STXBP5L: variants seen among roughly 807,000 people sequenced by gnomAD.
STXBP5L encodes syntaxin binding protein 5L, also known as syntaxin-binding protein 5-like.
STXBP5L carries 65 observed loss-of-function variants against 144.5 expected under a neutral mutation model. That is an observed-to-expected ratio of 0.45 (90% CI 0.37 to 0.55). The LOEUF is 0.55. STXBP5L is among the 20% of genes least tolerant of loss of function. The probability of loss-of-function intolerance (pLI) is 0.00; values close to 1 mark genes in which losing one functional copy is unlikely to be tolerated. For synonymous variants in STXBP5L, 505 were observed against 469.6 expected (o/e 1.08, Z -0.97); for missense variants, 1,298 against 1,405.5 (o/e 0.92, Z 1.22).
intron 9 of STXBP5L, among the ~76,000 whole-genome samples, chr3:121,202,131 A>T (rs981382441): frequency 6.6e-6 from 1 of 152,116 alleles, no homozygotes; most frequent in African/African-American, 2.4e-5. Flanking sequence ...ATAATACATT[A>T]TTTAAATTAA....
In STXBP5L at chr3:121,413,214, G is replaced by A. The variant is rs778295479; in HGVS notation, c.3005G>A (p.Arg1002Lys). 3.1e-6 allele frequency: 5 copies of A among 1,609,926 alleles called. No homozygotes were observed. Among genetic ancestry groups the A allele is most frequent in the Non-Finnish European group, 4.2e-6 (5 of 1,178,830 alleles). The change falls in exon 24 of 27, where the codon AGG becomes AAG. Residue 1002 changes from arginine to lysine, a missense_variant. By Grantham distance (26) the Arg-to-Lys change is conservative. Transcript: ENST00000471454. ...DVNYLPLTDMRIARTFCFTNE... is the reference protein window; with the variant it reads ...DVNYLPLTDMKIARTFCFTNE... ...AATTATTTGCCACTGACAGACATGA[G>A]GATAGCACGAACATTTTGTTTTACC...
intron 12 of STXBP5L, among the ~76,000 whole-genome samples, chr3:121,235,685 C>T (rs2049454182): frequency 6.6e-6 from 1 of 152,032 alleles, no homozygotes. Flanking sequence ...ACCTCTGGTA[C>T]CTCTAGTTTA....
chr3:121,266,019 G>T (rs924753489), intron 18 of STXBP5L, among the ~76,000 whole-genome samples: 2 of 152,010 alleles, frequency 1.3e-5, no homozygotes, highest in Non-Finnish European at 2.9e-5. Flanking sequence ...CCAGGAGCAG[G>T]TGGATTCACA....
chr3:121,233,795 C>A, intron 12 of STXBP5L, 107 bp downstream of exon 12: 1 of 854,944 alleles, frequency 1.2e-6, no homozygotes, highest in South Asian at 2.3e-5. Flanking sequence ...TATTGGTTTG[C>A]TAGAATTACA....
chr3:121,113,826 C>A, intron 5 of STXBP5L, among the ~76,000 whole-genome samples: 1 of 151,752 alleles, frequency 6.6e-6, no homozygotes, highest in East Asian at 1.9e-4. Context: ...GCACCCACCA[C>A]CACGCCCGGC....
Position 121,070,512 on chromosome 3 carries a change from A to G in STXBP5L, c.470+24977A>G, listed in dbSNP as rs554070795. Among the ~76,000 whole-genome samples the G allele has an allele frequency of 5.9e-5, 9 of 152,260 alleles. No homozygotes were observed. In the South Asian group the frequency reaches 8.3e-4, roughly 14 times the overall value. On this transcript the variant is annotated intron_variant, in intron 5 of 26. Transcript: ENST00000471454. ...TTTCTATTACTACTACTATTAGGTT[A>G]TAGTTATTTTCATTATTTCCTTCTT...
intron 5 of STXBP5L, among the ~76,000 whole-genome samples, chr3:121,064,791 C>G (rs2041462930): frequency 6.6e-6 from 1 of 152,256 alleles, no homozygotes; most frequent in Admixed American, 6.5e-5. Flanking sequence ...ATGTTTATTA[C>G]ATGGACATAT....
intron 18 of STXBP5L, among the ~76,000 whole-genome samples, chr3:121,259,835 C>T (rs925293871): frequency 6.6e-6 from 1 of 150,896 alleles, no homozygotes; most frequent in Non-Finnish European, 1.5e-5. Flanking sequence ...GAGAAATGAA[C>T]ATTATAATTT....
At chr3:121,120,450 A>G (rs2044407099) in intron 6 of STXBP5L, among the ~76,000 whole-genome samples, 1 of 151,454 alleles carries the variant, frequency 6.6e-6, no homozygotes, top group South Asian at 2.1e-4. Context: ...ATTTCCAATT[A>G]TCACATCAAT....
chr3:121,189,742 T>A (rs952361941), intron 9 of STXBP5L, among the ~76,000 whole-genome samples: 2 of 152,206 alleles, frequency 1.3e-5, no homozygotes, highest in Non-Finnish European at 2.9e-5. Flanking sequence ...AAATAGTTTT[T>A]TTTGTTTGTT....
rs763308114 is a variant in STXBP5L, at chr3:121,205,932, A to G, written c.887A>G (p.Gln296Arg). ...FQTTIPHGKS[Q>R]REGRKSESCK... Reference sequence around the variant, plus strand: ...TATTTTTTTTCTTTAGGAAAAAGTCAAAGAGAAGGAAGAAAATCTGAATCT... The same window carrying G: ...TATTTTTTTTCTTTAGGAAAAAGTCGAAGAGAAGGAAGAAAATCTGAATCT... The change falls in exon 10 of 27, where the codon CAA (glutamine) becomes CGA (arginine). Residue 296 changes from glutamine to arginine, a missense_variant. Coordinates refer to ENST00000471454, the MANE Select transcript of STXBP5L (RefSeq NM_001308330.2). 6.7e-7 allele frequency: 1 copy of G among 1,503,098 alleles called. No homozygotes were observed. Among genetic ancestry groups the G allele is most frequent in the African/African-American group, 1.4e-5 (1 of 69,728 alleles). The allele number at this position is 1,503,098 out of a possible 1,614,324, so 93.1% of individuals were successfully genotyped here.
intron 12 of STXBP5L, among the ~76,000 whole-genome samples, chr3:121,236,526 G>A (rs1165374044): frequency 6.6e-6 from 1 of 152,064 alleles, no homozygotes; most frequent in Non-Finnish European, 1.5e-5. Flanking sequence ...AGAGAGAGAG[G>A]GGACAGGTTT....
At chr3:121,193,772 A>G (rs1380226860) in intron 9 of STXBP5L, among the ~76,000 whole-genome samples, 4 of 152,146 alleles carry the variant, frequency 2.6e-5, no homozygotes, top group Admixed American at 2.6e-4. Context: ...GAATTGAACA[A>G]TGAGAACACT....
chr3:121,014,491 T>C (rs753685314), intron 3 of STXBP5L, among the ~76,000 whole-genome samples: 1 of 152,054 alleles, frequency 6.6e-6, no homozygotes, highest in Non-Finnish European at 1.5e-5. Flanking sequence ...TTATCAGTAG[T>C]TCATGACTTA....
At chr3:121,007,879 A>T (rs1246924995) in intron 3 of STXBP5L, among the ~76,000 whole-genome samples, 1 of 152,070 alleles carries the variant, frequency 6.6e-6, no homozygotes, top group East Asian at 1.9e-4. Flanking sequence ...CTCCATGTTA[A>T]GTTTACTATG....
At chr3:121,382,349 T>C (rs1294339551) in intron 22 of STXBP5L, among the ~76,000 whole-genome samples, 1 of 152,096 alleles carries the variant, frequency 6.6e-6, no homozygotes, top group South Asian at 2.1e-4. Flanking sequence ...GGTAGAATAG[T>C]CAGTTCTCTA....
chr3:121,336,156 T>A (rs1381647638), intron 20 of STXBP5L, among the ~76,000 whole-genome samples: 1 of 152,104 alleles, frequency 6.6e-6, no homozygotes, highest in Admixed American at 6.5e-5. Context: ...AAAGAGCATA[T>A]GAAAAAAAGT....
chr3:120,922,139 T>C (rs1709390239), intron 2 of STXBP5L, among the ~76,000 whole-genome samples: 1 of 151,968 alleles, frequency 6.6e-6, no homozygotes, highest in African/African-American at 2.4e-5. Flanking sequence ...AATTCCTTTG[T>C]CAGTGTTTTA....
chr3:120,976,710 C>G (rs1010899520), intron 3 of STXBP5L, among the ~76,000 whole-genome samples: 4 of 152,210 alleles, frequency 2.6e-5, no homozygotes, highest in African/African-American at 9.7e-5. Flanking sequence ...CTACACACTG[C>G]TTTGAATGTG....
Sources: allele counts gnomAD v4.1 joint callset (sites outside exome capture counted in the v4.1 genomes callset), GRCh38; gene constraint gnomAD v4.1.1; transcripts MANE v1.5; gene names NCBI Gene and HGNC (gene_info 2026-07-23, HGNC 2026-07-21).